The following FCHO2 variants were observed in gnomAD, a reference collection of about 807,000 sequenced individuals.
FCHO2 encodes FCH and mu domain containing endocytic adaptor 2.
In FCHO2, 43 loss-of-function variants were observed where a neutral mutation model predicts 114.1. The ratio of observed to expected loss-of-function variants is 0.38; its 90% confidence interval spans 0.30 to 0.49. FCHO2 has a LOEUF of 0.49. Ranked by LOEUF, FCHO2 falls within the 20% of genes least tolerant of loss-of-function variation. The pLI, the probability that FCHO2 is intolerant of heterozygous loss-of-function variation, is 0.97. For synonymous variants in FCHO2, 293 were observed against 315.2 expected, an observed-to-expected ratio of 0.93 and a Z score of 0.75; for missense variants, 807 against 950.4, an observed-to-expected ratio of 0.85 and a Z score of 1.98.
chr5:72,958,182 A>G (rs1027212078), intron 1 of FCHO2, among the ~76,000 whole-genome samples: 8 of 151,912 alleles, frequency 5.3e-5, no homozygotes, highest in Admixed American at 1.3e-4. Flanking sequence ...TTTCTCGTGA[A>G]GTCTTGGTGA....
At chr5:73,081,674 A>C (rs942746790) in intron 22 of FCHO2, 109 bp from the exon 23 acceptor site, 1 of 730,952 alleles carries the variant, frequency 1.4e-6, no homozygotes, top group Non-Finnish European at 2.1e-6. Flanking sequence ...TAGTCCCCTC[A>C]TTAGATATTT....
intron 13 of FCHO2, among the ~76,000 whole-genome samples, chr5:73,053,773 C>T (rs1757447219): frequency 6.6e-6 from 1 of 151,076 alleles, no homozygotes; most frequent in Admixed American, 6.6e-5. Context: ...TATGTAAGAG[C>T]ATAACTAATA....
intron 9 of FCHO2, 107 bp downstream of exon 9, chr5:73,034,808 A>G (rs1211599948): frequency 1.2e-5 from 9 of 777,408 alleles, no homozygotes; most frequent in Admixed American, 3.2e-5. Flanking sequence ...CAGCATACCT[A>G]TGGAATGGAA....
intron 6 of FCHO2, among the ~76,000 whole-genome samples, chr5:73,012,046 G>C (rs1469548385): frequency 6.6e-6 from 1 of 152,106 alleles, no homozygotes; most frequent in Non-Finnish European, 1.5e-5. Context: ...AAAAAGTGTA[G>C]TTTAGTAAAT....
intron 19 of FCHO2, among the ~76,000 whole-genome samples, chr5:73,072,240 ATAG>A (rs1217960965): frequency 6.6e-6 from 1 of 152,076 alleles, no homozygotes; most frequent in Non-Finnish European, 1.5e-5. Flanking sequence ...TTTTAATAAA[ATAG>A]TATTACAATA....
chr5:72,984,131 A>G (rs903602279), intron 2 of FCHO2, among the ~76,000 whole-genome samples: 4 of 152,156 alleles, frequency 2.6e-5, no homozygotes, highest in African/African-American at 7.2e-5. Flanking sequence ...CTGGTGAATA[A>G]TGGGATGATA....
intron 20 of FCHO2, among the ~76,000 whole-genome samples, chr5:73,076,391 G>A (rs538665778): frequency 1.3e-5 from 2 of 152,260 alleles, no homozygotes; most frequent in South Asian, 4.1e-4. Flanking sequence ...GGTAGCAGGA[G>A]TGAGGTGGTG....
At chr5:73,061,354 G>A (rs1002587199) in intron 17 of FCHO2, among the ~76,000 whole-genome samples, 11 of 151,946 alleles carry the variant, frequency 7.2e-5, no homozygotes, top group Non-Finnish European at 1.0e-4. Context: ...CTCTTCTTCC[G>A]TGTATTGTTA....
At chr5:73,043,477 T>C (rs1309797486) in intron 11 of FCHO2, among the ~76,000 whole-genome samples, 1 of 152,092 alleles carries the variant, frequency 6.6e-6, no homozygotes, top group African/African-American at 2.4e-5. Flanking sequence ...ATATATAAAG[T>C]ATATATGTTT....
chr5:73,041,460 A>G, intron 11 of FCHO2, 145 bp downstream of exon 11: 2 of 503,020 alleles, frequency 4.0e-6, no homozygotes, highest in East Asian at 3.6e-5. Flanking sequence ...TATTTTACAG[A>G]TGCATTTTTG....
At chr5:73,087,978 A>G in intron 25 of FCHO2, 90 bp from the exon 26 acceptor site, 1 of 1,542,382 alleles carries the variant, frequency 6.5e-7, no homozygotes, top group Non-Finnish European at 8.9e-7. Context: ...GCAGATGGGA[A>G]CTAGAGTTTT....
intron 2 of FCHO2, among the ~76,000 whole-genome samples, chr5:72,972,706 C>T (rs1031697240): frequency 6.6e-6 from 1 of 152,128 alleles, no homozygotes; most frequent in Non-Finnish European, 1.5e-5. Flanking sequence ...CTTCTCCTGC[C>T]TAATTGCCCT....
chr5:73,011,437 C>G (rs548230597), intron 6 of FCHO2, among the ~76,000 whole-genome samples: 1 of 151,810 alleles, frequency 6.6e-6, no homozygotes, highest in Non-Finnish European at 1.5e-5. Context: ...ACTCGATCAG[C>G]TTTTTTTCTG....
At position 73,033,033 on chromosome 5, in the gene FCHO2, A is replaced by G. The variant is rs185814211; in HGVS notation, c.797-1624A>G. Among the ~76,000 whole-genome samples, 276 of 152,240 alleles carry G rather than the reference A, an allele frequency of 1.8e-3. 1 individual carries two copies. Among genetic ancestry groups the G allele is most frequent in the Middle Eastern group, 6.8e-3 (2 of 294 alleles). ...CTTATTGATTTTTCAGCCTGCCTTC[A>G]TCTCATTGTAAATTGTTACGATAGG... On this transcript the variant is annotated intron_variant, in intron 8 of 25. Transcript: ENST00000430046.
chr5:73,039,257 AG>A (rs1756685537), intron 10 of FCHO2, among the ~76,000 whole-genome samples: 1 of 152,186 alleles, frequency 6.6e-6, no homozygotes, highest in South Asian at 2.1e-4. Flanking sequence ...TGTGGGAGAC[AG>A]GCCCTTTTCA....
At chr5:73,025,721 T>C (rs1476257580) in intron 8 of FCHO2, among the ~76,000 whole-genome samples, 2 of 152,160 alleles carry the variant, frequency 1.3e-5, no homozygotes, top group Non-Finnish European at 2.9e-5. Flanking sequence ...CCTGAGCAAA[T>C]GAGTCTAGTG....
chr5:73,039,761 C>G (rs1453833106), intron 10 of FCHO2, among the ~76,000 whole-genome samples: 1 of 151,784 alleles, frequency 6.6e-6, no homozygotes, highest in African/African-American at 2.4e-5. Context: ...AACCCTATCT[C>G]TACTAAAAAT....
intron 5 of FCHO2, among the ~76,000 whole-genome samples, chr5:73,004,244 G>C (rs1258760370): frequency 6.6e-6 from 1 of 151,954 alleles, no homozygotes; most frequent in Non-Finnish European, 1.5e-5. Flanking sequence ...TTGGTTATCT[G>C]GGTTTCTTGC....
intron 8 of FCHO2, among the ~76,000 whole-genome samples, chr5:73,020,311 T>C (rs1243223420): frequency 1.3e-5 from 2 of 152,218 alleles, no homozygotes; most frequent in Non-Finnish European, 2.9e-5. Context: ...CATGGTGGCA[T>C]ACTTGCTAGA....
Sources: allele counts gnomAD v4.1 joint callset (sites outside exome capture counted in the v4.1 genomes callset), GRCh38; gene constraint gnomAD v4.1.1; transcripts MANE v1.5; gene names NCBI Gene and HGNC (gene_info 2026-07-23, HGNC 2026-07-21).